MYO16: variants seen among roughly 807,000 people sequenced by gnomAD.
MYO16 encodes the protein myosin XVI.
MYO16 carries 94 observed loss-of-function variants against 205.3 expected under a neutral mutation model. That is an observed-to-expected ratio of 0.46 (90% CI 0.39 to 0.54). MYO16 has a LOEUF of 0.54. Ranked by LOEUF, MYO16 falls within the 20% of genes least tolerant of loss-of-function variation. The probability of loss-of-function intolerance (pLI) is 0.00; values close to 1 mark genes in which losing one functional copy is unlikely to be tolerated. For missense variants in MYO16, 2,315 were observed against 2,387.5 expected (o/e 0.97, Z 0.63); for synonymous variants, 988 against 954.0 (o/e 1.04, Z -0.66).
chr13:108,521,726 T>C, the MYO16 span, among the ~76,000 whole-genome samples: 3 of 152,178 alleles, frequency 2.0e-5, no homozygotes, highest in African/African-American at 4.8e-5. Flanking sequence ...TATATAATGA[T>C]CTGTTTTGTA....
intron 32 of MYO16, among the ~76,000 whole-genome samples, chr13:109,154,621 C>T (rs561838748): frequency 6.6e-6 from 1 of 152,132 alleles, no homozygotes; most frequent in East Asian, 1.9e-4. Flanking sequence ...GTCACCAACA[C>T]GAAACACTCC....
At position 109,113,007 on chromosome 13, in the gene MYO16, G is replaced by A. The variant is rs142235508; in HGVS notation, c.3439-7363G>A. Among the ~76,000 whole-genome samples, 193 of 152,316 alleles carry A rather than the reference G, an allele frequency of 1.3e-3. 1 individual carries two copies. The highest frequency in any genetic ancestry group is 2.4e-3 in the Non-Finnish European group (162 of 68,022). On this transcript the variant is annotated intron_variant, in intron 28 of 34. Transcript: ENST00000457511. ...AGAAAACCAGGACTTCAGTGCTACT[G>A]TAGAGATGTATACAAGGTACACTAG...
chr13:108,735,592 G>A (rs1324383930), intron 4 of MYO16, among the ~76,000 whole-genome samples: 1 of 150,540 alleles, frequency 6.6e-6, no homozygotes, highest in East Asian at 2.0e-4. Flanking sequence ...GAATAGTGCT[G>A]CAATAAACAT....
At chr13:108,865,476 G>A (rs528446955) in intron 11 of MYO16, among the ~76,000 whole-genome samples, 1 of 151,508 alleles carries the variant, frequency 6.6e-6, no homozygotes, top group Non-Finnish European at 1.5e-5. Flanking sequence ...CACCTTCTTT[G>A]CTGTTATTAT....
chr13:108,628,283 T>G (rs1273832219), upstream of MYO16, among the ~76,000 whole-genome samples: 2 of 152,186 alleles, frequency 1.3e-5, no homozygotes, highest in African/African-American at 4.8e-5. Context: ...GCATTCCTGA[T>G]GAAGGCTGCA....
intron 20 of MYO16, among the ~76,000 whole-genome samples, chr13:108,977,576 T>C (rs1036233438): frequency 2.0e-4 from 30 of 152,102 alleles, no homozygotes; most frequent in African/African-American, 6.8e-4. Context: ...TACCGCAAGG[T>C]CATCTTATAT....
intron 11 of MYO16, 28 bp downstream of exon 11, chr13:108,855,581 A>G (rs1164140074): frequency 3.5e-6 from 5 of 1,446,188 alleles, no homozygotes; most frequent in African/African-American, 2.8e-5. Context: ...TGCCTTTTGC[A>G]CTGTTTTTCT....
intron 1 of MYO16, among the ~76,000 whole-genome samples, chr13:108,614,704 C>G (rs952553089): frequency 7.9e-5 from 12 of 152,016 alleles, no homozygotes; most frequent in Non-Finnish European, 1.8e-4. Flanking sequence ...ACAACAGTGC[C>G]AAGACTATTC....
chr13:108,957,067 G>GA, intron 16 of MYO16, among the ~76,000 whole-genome samples: 1 of 151,566 alleles, frequency 6.6e-6, no homozygotes, highest in Admixed American at 6.6e-5. Context: ...CCATATGATA[G>GA]AACCTGTTGA....
At chr13:108,886,142 C>T (rs1211031830) in intron 13 of MYO16, among the ~76,000 whole-genome samples, 2 of 152,088 alleles carry the variant, frequency 1.3e-5, no homozygotes, top group East Asian at 3.9e-4. Flanking sequence ...CGCCCGCCAT[C>T]ACGCCCGGCT....
intron 2 of MYO16, among the ~76,000 whole-genome samples, chr13:108,678,393 A>T (rs959659398): frequency 1.3e-5 from 2 of 152,164 alleles, no homozygotes; most frequent in Non-Finnish European, 2.9e-5. Flanking sequence ...ATGTTTCCCA[A>T]AGTAGAAAGA....
At chr13:108,709,492 T>C in intron 2 of MYO16, among the ~76,000 whole-genome samples, 1 of 136,108 alleles carries the variant, frequency 7.3e-6, no homozygotes, top group African/African-American at 2.7e-5. Context: ...GAGCCTCAGC[T>C]TCCTTATTAG....
At chr13:108,654,862 A>G (rs1363224948) in intron 1 of MYO16, among the ~76,000 whole-genome samples, 1 of 152,148 alleles carries the variant, frequency 6.6e-6, no homozygotes, top group Non-Finnish European at 1.5e-5. Context: ...ACACTAGAGA[A>G]TTGTGGAACT....
chr13:108,571,517 G>A, the MYO16 span, among the ~76,000 whole-genome samples: 1 of 152,082 alleles, frequency 6.6e-6, no homozygotes, highest in East Asian at 1.9e-4. Flanking sequence ...ATATTAAAAT[G>A]TATTTTTTAA....
chr13:109,178,391 G>A (rs1206049699), intron 33 of MYO16, among the ~76,000 whole-genome samples: 1 of 152,190 alleles, frequency 6.6e-6, no homozygotes, highest in East Asian at 1.9e-4. Context: ...AGGCCTTGTT[G>A]TGTGTTGACA....
chr13:109,075,291 T>G (rs1034636511), intron 27 of MYO16, among the ~76,000 whole-genome samples: 1 of 143,954 alleles, frequency 6.9e-6, no homozygotes, highest in African/African-American at 2.5e-5. Context: ...AAATTGGTTG[T>G]TCCCTTTTGT....
intron 32 of MYO16, among the ~76,000 whole-genome samples, chr13:109,158,391 C>A (rs191755748): frequency 1.7e-4 from 26 of 152,320 alleles, no homozygotes; most frequent in Non-Finnish European, 7.3e-5. Flanking sequence ...CCTACCTCCC[C>A]CTCCCTCCAC....
chr13:108,556,209 A>C, the MYO16 span, among the ~76,000 whole-genome samples: 1 of 151,842 alleles, frequency 6.6e-6, no homozygotes, highest in South Asian at 2.1e-4. Flanking sequence ...TATTTTCAGG[A>C]ACTTTCACAC....
intron 32 of MYO16, among the ~76,000 whole-genome samples, chr13:109,153,758 CA>C (rs888680199): frequency 4.0e-5 from 6 of 150,340 alleles, no homozygotes; most frequent in East Asian, 3.9e-4. Flanking sequence ...GACTCTGTCT[CA>C]AAAAAAAAGT....
Sources: gnomAD v4.1 joint callset for allele counts (sites outside exome capture counted in the v4.1 genomes callset) on GRCh38, gnomAD v4.1.1 for gene constraint, MANE v1.5 for transcripts, NCBI Gene and HGNC (gene_info 2026-07-23, HGNC 2026-07-21) for gene names.